PRKRA: variants seen among roughly 807,000 people sequenced by gnomAD.
The protein encoded by PRKRA is interferon-inducible double-stranded RNA-dependent protein kinase activator A.
In PRKRA, 22 loss-of-function variants were observed where a neutral mutation model predicts 32.4. That is an observed-to-expected ratio of 0.68 (90% CI 0.49 to 0.97). The LOEUF (loss-of-function observed/expected upper bound fraction) is 0.97, where lower values mean the gene tolerates loss of function less well. Among genes scored for constraint, PRKRA ranks in the 50% least tolerant of loss-of-function variants. The pLI is 0.00. For missense variants in PRKRA, 319 were observed against 375.6 expected, an observed-to-expected ratio of 0.85 and a Z score of 1.25; for synonymous variants, 139 against 129.8, an observed-to-expected ratio of 1.07 and a Z score of -0.48.
intron 6 of PRKRA, 62 bp from the exon 7 acceptor site, chr2:178,436,381 G>C: frequency 9.2e-7 from 1 of 1,090,146 alleles, no homozygotes; most frequent in Non-Finnish European, 1.2e-6. Context: ...ACCCGTACCA[G>C]TATCATTAAA....
At chr2:178,447,737 A>ATTTT in intron 2 of PRKRA, 151 bp from the exon 3 acceptor site, 25 of 808,144 alleles carry the variant, frequency 3.1e-5, no homozygotes, top group Non-Finnish European at 4.6e-5. Flanking sequence ...GTACATAAAA[A>ATTTT]TATGTACATG....
At chr2:178,432,396 T>C in intron 7 of PRKRA, 142 bp from the exon 8 acceptor site, 1 of 1,139,762 alleles carries the variant, frequency 8.8e-7, no homozygotes, top group Admixed American at 2.0e-5. Context: ...TTTGTTTTGC[T>C]TGTACAAACA....
At position 178,451,129 on chromosome 2, in the gene PRKRA, A is replaced by ACCT; in HGVS notation, c.-102_-100dup. On this transcript the variant is annotated 5_prime_UTR_variant, in exon 1 of 8. Coordinates refer to ENST00000325748, the MANE Select transcript of PRKRA (RefSeq NM_003690.5). ...CCCCGGGAGGAGCTCCAGCGCCGCC[A>ACCT]CCTCCTCCGACTCCCCCGCCTCCTG... The ACCT allele has an allele frequency of 7.4e-7, 1 of 1,345,012 alleles. No individual in the cohort carries two copies. Among genetic ancestry groups the ACCT allele is most frequent in the Non-Finnish European group, 1.0e-6 (1 of 998,344 alleles). 83.3% of individuals were successfully genotyped at this position (1,345,012 alleles called of 1,614,324 possible).
chr2:178,433,382 G>A (rs1449630869), intron 7 of PRKRA: 1 of 152,150 alleles, frequency 6.6e-6, no homozygotes, highest in Admixed American at 6.5e-5. Flanking sequence ...ATACTCCTAG[G>A]AGTGGAGTTG....
rs1254133103 is a variant in PRKRA, at chr2:178,436,404, GC to G, written c.610-86del. 1.7e-5 allele frequency: 15 copies of G among 864,270 alleles called. No individual in the cohort carries two copies. In the African/African-American group the frequency reaches 2.7e-4, roughly 15 times the overall value. The allele number at this position is 864,270 out of a possible 1,614,324, so 53.5% of individuals were successfully genotyped here. Reference sequence around the variant, plus strand: ...CAGTATCATTAAAAGTACTTATTAAGCACTCACATTTAATATGTTATAAAGC... The same window carrying G: ...CAGTATCATTAAAAGTACTTATTAAGACTCACATTTAATATGTTATAAAGC... On this transcript the variant is annotated intron_variant, in intron 6 of 7. Transcript: ENST00000325748.
chr2:178,435,160 T>C (rs1696835048), intron 7 of PRKRA, among the ~76,000 whole-genome samples: 1 of 151,278 alleles, frequency 6.6e-6, no homozygotes, highest in Non-Finnish European at 1.5e-5. Flanking sequence ...GAGGTTACAG[T>C]GAGCTGAGAT....
At position 178,432,051 on chromosome 2, in the gene PRKRA, G is replaced by C; in HGVS notation, c.*46C>G. 1 of 1,604,712 alleles carries C rather than the reference G, an allele frequency of 6.2e-7. No homozygotes were observed. The highest frequency in any genetic ancestry group is 8.5e-7 in the Non-Finnish European group (1 of 1,172,340). The stretch of plus-strand genomic sequence containing the variant: ...GTTTTACTTGGGAAGGGGCCAGAGG[G>C]GAACTTTTTATGTGCTACTGAAAGA... On this transcript the variant is annotated 3_prime_UTR_variant, in exon 8 of 8. Transcript: ENST00000325748.
intron 3 of PRKRA, among the ~76,000 whole-genome samples, chr2:178,446,507 A>G (rs1697316723): frequency 6.6e-6 from 1 of 152,170 alleles, no homozygotes; most frequent in African/African-American, 2.4e-5. Flanking sequence ...CCCCTAATCC[A>G]AAAGCCTTTC....
chr2:178,450,113 A>C (rs576910728), intron 2 of PRKRA, 129 bp downstream of exon 2: 1 of 1,167,672 alleles, frequency 8.6e-7, no homozygotes, highest in South Asian at 1.2e-5. Flanking sequence ...ACCTGAGATG[A>C]GAGGTCTCAG....
At position 178,443,386 on chromosome 2, in the gene PRKRA, T is replaced by C; in HGVS notation, c.397-2A>G. 1.3e-6 allele frequency: 2 copies of C among 1,580,834 alleles called. No homozygotes were observed. The highest frequency in any genetic ancestry group is 1.7e-6 in the Non-Finnish European group (2 of 1,149,990). ...CCAGCCATGATGAATAGCCAATTCCTATAAAATCAAGATGAGGCTTTAATA... is the reference window on the plus strand; with the variant it reads ...CCAGCCATGATGAATAGCCAATTCCCATAAAATCAAGATGAGGCTTTAATA... On this transcript the variant is annotated splice_acceptor_variant, in intron 4 of 7. Transcript: ENST00000325748. LOFTEE classifies it high-confidence loss of function.
Position 178,432,034 on chromosome 2 carries a change from T to TG in PRKRA, c.*62dup, listed in dbSNP as rs1443332311. 24 of 1,566,178 alleles carry TG rather than the reference T, an allele frequency of 1.5e-5. No homozygotes were observed. The highest frequency in any genetic ancestry group is 1.9e-5 in the Non-Finnish European group (22 of 1,140,110). On this transcript the variant is annotated 3_prime_UTR_variant, in exon 8 of 8. Transcript: ENST00000325748. Reference sequence around the variant, plus strand: ...TAAACACTACGGTAAAAGTTTTACTTGGGAAGGGGCCAGAGGGGAACTTTT... The same window carrying TG: ...TAAACACTACGGTAAAAGTTTTACTTGGGGAAGGGGCCAGAGGGGAACTTTT...
Position 178,449,437 on chromosome 2 carries a change from A to G in PRKRA, c.235+805T>C, listed in dbSNP as rs192180012. ...ATGGTAGAACTTGAGCCTTCCTACT[A>G]AATTTTTTTCTTGGCATTCTTCCAA... On this transcript the variant is annotated intron_variant, in intron 2 of 7. Coordinates refer to ENST00000325748, the MANE Select transcript of PRKRA (RefSeq NM_003690.5). 5.9e-5 allele frequency among the ~76,000 whole-genome samples: 9 copies of G among 152,352 alleles called. No homozygotes were observed. The East Asian group carries it at 1.7e-3, about 29-fold the overall frequency.
At chr2:178,433,733 A>G (rs977653296) in intron 7 of PRKRA, 4 of 152,110 alleles carry the variant, frequency 2.6e-5, no homozygotes, top group African/African-American at 4.8e-5. Flanking sequence ...AGCGATGCTC[A>G]TGCCTCAGTC....
Position 178,432,032 on chromosome 2 carries a change from C to T in PRKRA, c.*65G>A, listed in dbSNP as rs1288156955. ...CATAAACACTACGGTAAAAGTTTTA[C>T]TTGGGAAGGGGCCAGAGGGGAACTT... is the stretch of plus-strand genomic sequence containing the variant. On this transcript the variant is annotated 3_prime_UTR_variant, in exon 8 of 8. Coordinates refer to ENST00000325748, the MANE Select transcript of PRKRA (RefSeq NM_003690.5). 7.7e-6 allele frequency: 12 copies of T among 1,562,280 alleles called. No homozygotes were observed. Among genetic ancestry groups the T allele is most frequent in the Middle Eastern group, 1.7e-4 (1 of 5,932 alleles).
chr2:178,443,318 G>A lies in PRKRA; in HGVS notation c.463C>T (p.His155Tyr). 1 of 1,613,226 alleles carries A rather than the reference G, an allele frequency of 6.2e-7. No homozygotes were observed. The highest frequency in any genetic ancestry group is 8.5e-7 in the Non-Finnish European group (1 of 1,179,254). ...CAAATTGTAGTATATTCTCTCTTAT[G>A]AGCAGGTCCTCCCTCCTGGGAAAGG... ...YTLSQEGGPA[H>Y]KREYTTICRL... The change falls in exon 5 of 8, where the codon CAT becomes TAT. Residue 155 changes from histidine (H) to tyrosine (Y), a missense_variant. Coordinates refer to ENST00000325748, the MANE Select transcript of PRKRA (RefSeq NM_003690.5).
At chr2:178,443,444 G>A (rs1458791061) in intron 4 of PRKRA, 60 bp from the exon 5 acceptor site, 6 of 803,758 alleles carry the variant, frequency 7.5e-6, no homozygotes, top group Non-Finnish European at 1.1e-5. Flanking sequence ...TCACATAAGT[G>A]TTTTCTTAAT....
intron 3 of PRKRA, 111 bp from the exon 4 acceptor site, chr2:178,444,611 C>G: frequency 3.0e-6 from 2 of 660,206 alleles, no homozygotes; most frequent in Non-Finnish European, 2.4e-6. Context: ...GTCATTCCTT[C>G]TACATGGAAT....
rs1559350087 is a variant in PRKRA, at chr2:178,432,256, T to C, written c.785-2A>G. On this transcript the variant is annotated splice_acceptor_variant, in intron 7 of 7. Transcript: ENST00000325748. LOFTEE classifies it high-confidence loss of function. ...ATTGTCCATTGGCGCTCAGTTCATCTGTAATGACACATTCAAGGATGACGA... is the reference window on the plus strand; with the variant it reads ...ATTGTCCATTGGCGCTCAGTTCATCCGTAATGACACATTCAAGGATGACGA... The C allele has an allele frequency of 6.2e-7, 1 of 1,614,248 alleles. No individual in the cohort carries two copies. The highest frequency in any genetic ancestry group is 8.5e-7 in the Non-Finnish European group (1 of 1,180,026).
At chr2:178,447,618 T>A (rs774708703) in intron 2 of PRKRA, 32 bp from the exon 3 acceptor site, 1 of 843,046 alleles carries the variant, frequency 1.2e-6, no homozygotes, top group Non-Finnish European at 1.7e-6. Context: ...GAAGTCTTTA[T>A]CTCCCACAAA....
Sources: allele counts gnomAD v4.1 joint callset (sites outside exome capture counted in the v4.1 genomes callset), GRCh38; gene constraint gnomAD v4.1.1; transcripts MANE v1.5; gene names NCBI Gene and HGNC (gene_info 2026-07-23, HGNC 2026-07-21).